The following OTOGL variants were observed in gnomAD, a reference collection of about 807,000 sequenced individuals.
The protein encoded by OTOGL is otogelin-like protein.
Under a neutral mutation model 318.5 loss-of-function variants are expected in OTOGL, and 285 were observed. That is an observed-to-expected ratio of 0.89 (90% CI 0.81 to 0.99). The LOEUF is 0.99. OTOGL is among the 50% of genes least tolerant of loss of function. The probability of loss-of-function intolerance (pLI) is 0.00; values close to 1 mark genes in which losing one functional copy is unlikely to be tolerated. For missense variants in OTOGL, 2,899 were observed against 2,845.6 expected (o/e 1.02, Z -0.43); for synonymous variants, 987 against 936.5 (o/e 1.05, Z -0.99).
chr12:80,327,484 A>T (rs1449537668), intron 35 of OTOGL, among the ~76,000 whole-genome samples: 2 of 152,146 alleles, frequency 1.3e-5, no homozygotes, highest in Admixed American at 1.3e-4. Flanking sequence ...CCCTGTTCTC[A>T]AAAGAACTGC....
intron 1 of OTOGL, among the ~76,000 whole-genome samples, chr12:80,203,024 TAA>T (rs1876568034): frequency 6.6e-6 from 1 of 152,212 alleles, no homozygotes; most frequent in Non-Finnish European, 1.5e-5. Flanking sequence ...GAGAATTAGA[TAA>T]GTGTTAGGAC....
chr12:80,357,493 A>G (rs1208928104), intron 49 of OTOGL, among the ~76,000 whole-genome samples: 3 of 152,126 alleles, frequency 2.0e-5, no homozygotes, highest in African/African-American at 4.8e-5. Flanking sequence ...ATTTCTTTGC[A>G]TCAGTTAAGA....
chr12:80,205,463 A>T (rs1157488830), intron 1 of OTOGL, among the ~76,000 whole-genome samples: 1 of 152,236 alleles, frequency 6.6e-6, no homozygotes, highest in Admixed American at 6.5e-5. Context: ...AAATATAATC[A>T]TATCCTTACT....
At chr12:80,351,389 C>T in intron 44 of OTOGL, among the ~76,000 whole-genome samples, 1 of 151,938 alleles carries the variant, frequency 6.6e-6, no homozygotes, top group East Asian at 1.9e-4. Context: ...GATCTCGGCT[C>T]ACTGCAAGCT....
Position 80,305,596 on chromosome 12 carries a change from TG to T in OTOGL, c.3236del (p.Gly1079GlufsTer11). The T allele has an allele frequency of 6.4e-7, 1 of 1,569,320 alleles. No homozygotes were observed. The highest frequency in any genetic ancestry group is 8.6e-7 in the Non-Finnish European group (1 of 1,169,112). On this transcript the variant is annotated frameshift_variant, in exon 29 of 59. Coordinates refer to ENST00000547103, the MANE Select transcript of OTOGL (RefSeq NM_001378609.3). LOFTEE classifies it high-confidence loss of function. ...QWKNKLSGLC[G>X]NFDKCTSNDM... The stretch of plus-strand genomic sequence containing the variant: ...TTTAGAACAAGCTATCAGGATTGTG[TG>T]GAAACTTTGACAAATGCACTTCAAA...
At chr12:80,141,987 G>A (rs1018400548) in intron 1 of OTOGL, among the ~76,000 whole-genome samples, 4 of 152,004 alleles carry the variant, frequency 2.6e-5, no homozygotes, top group African/African-American at 9.7e-5. Context: ...TTCCTTTCTT[G>A]TCCTCCTGGG....
rs373585207 is a variant in OTOGL, at chr12:80,324,885, A to T, written c.4199+1045A>T. On this transcript the variant is annotated intron_variant, in intron 35 of 58. Transcript: ENST00000547103. Reference sequence around the variant, plus strand: ...ATCTAATAGAACTGCATTTAATGAGATAAGGAAGATGTTAGAAGAAACAGT... The same window carrying T: ...ATCTAATAGAACTGCATTTAATGAGTTAAGGAAGATGTTAGAAGAAACAGT... Among the ~76,000 whole-genome samples, 17 of 152,316 alleles carry T rather than the reference A, an allele frequency of 1.1e-4. No individual in the cohort carries two copies. In the East Asian group the frequency reaches 2.3e-3, roughly 21 times the overall value.
Position 80,327,420 on chromosome 12 carries a change from A to T in OTOGL, c.4200-1245A>T, listed in dbSNP as rs1183995456. ...ATGTCCTTCCAGGGCACTGCCCCAG[A>T]TTTGGGCACAGGTCCTAATTTTCTT... On this transcript the variant is annotated intron_variant, in intron 35 of 58. Transcript: ENST00000547103. Among the ~76,000 whole-genome samples, 3 of 152,114 alleles carry T rather than the reference A, an allele frequency of 2.0e-5. No individual in the cohort carries two copies. In the South Asian group the frequency reaches 6.2e-4, roughly 32 times the overall value.
intron 45 of OTOGL, among the ~76,000 whole-genome samples, 167 bp downstream of exon 45, chr12:80,352,603 C>T (rs1163387505): frequency 6.6e-6 from 1 of 152,142 alleles, no homozygotes; most frequent in Non-Finnish European, 1.5e-5. Context: ...AGAAATAAAA[C>T]AGTCACACAT....
intron 1 of OTOGL, among the ~76,000 whole-genome samples, chr12:80,134,150 TTTC>T (rs1314001029): frequency 6.6e-6 from 1 of 152,238 alleles, no homozygotes; most frequent in African/African-American, 2.4e-5. Flanking sequence ...CTGAGAAGTC[TTTC>T]AACCTTTAGA....
At chr12:80,256,523 AC>A in intron 17 of OTOGL, 63 bp downstream of exon 17, 7 of 1,505,120 alleles carry the variant, frequency 4.7e-6, no homozygotes, top group Non-Finnish European at 5.3e-6. Context: ...CAAACAAACA[AC>A]ACACGCAAAC....
rs370211996 is a variant in OTOGL at position 80,329,047 on chromosome 12, G to T, written c.4280-4G>T. The T allele has an allele frequency of 2.5e-6, 4 of 1,587,480 alleles. No individual in the cohort carries two copies. Among genetic ancestry groups the T allele is most frequent in the Non-Finnish European group, 3.4e-6 (4 of 1,170,198 alleles). On this transcript the variant is annotated splice_polypyrimidine_tract_variant and splice_region_variant and intron_variant, in intron 36 of 58. Coordinates refer to ENST00000547103, the MANE Select transcript of OTOGL (RefSeq NM_001378609.3). ...TTATAAAGAGCACCTTTGTTTCTTT[G>T]TAGGTATACCTGTGATTCCCACAGA...
chr12:80,239,002 G>C (rs569003724), intron 10 of OTOGL, 24 bp downstream of exon 10: 10 of 1,587,128 alleles, frequency 6.3e-6, no homozygotes, highest in Non-Finnish European at 8.5e-6. Context: ...GAGAAATGTG[G>C]GCATGTCAGA....
At chr12:80,204,645 A>G (rs938138854) in intron 1 of OTOGL, among the ~76,000 whole-genome samples, 1 of 152,160 alleles carries the variant, frequency 6.6e-6, no homozygotes, top group African/African-American at 2.4e-5. Context: ...AGATTACATG[A>G]TATAAAAATC....
At position 80,217,578 on chromosome 12, in the gene OTOGL, C is replaced by A. The variant is rs1224568316; in HGVS notation, c.169-20C>A. 6 of 1,481,374 alleles carry A rather than the reference C, an allele frequency of 4.1e-6. No homozygotes were observed. The East Asian group carries it at 1.2e-4, about 29-fold the overall frequency. The allele number at this position is 1,481,374 out of a possible 1,614,324, so 91.8% of individuals were successfully genotyped here. A position where few individuals can be genotyped will look rare whatever the true frequency, so the allele number is the denominator to read the frequency against. Reference sequence around the variant, plus strand: ...TTAAATAATTTAACTGTATTGCATTCTCATTTCTTTCTTTCAAAGTTTGAA... The same window carrying A: ...TTAAATAATTTAACTGTATTGCATTATCATTTCTTTCTTTCAAAGTTTGAA... On this transcript the variant is annotated intron_variant, in intron 4 of 58. Transcript: ENST00000547103.
intron 29 of OTOGL, among the ~76,000 whole-genome samples, chr12:80,307,859 G>A (rs1322123321): frequency 7.5e-6 from 1 of 132,826 alleles, no homozygotes. Flanking sequence ...CGGCTGGCCG[G>A]GCGGGGGGCT....
At chr12:80,298,452 A>G (rs1298102469) in intron 27 of OTOGL, among the ~76,000 whole-genome samples, 1 of 152,168 alleles carries the variant, frequency 6.6e-6, no homozygotes, top group Non-Finnish European at 1.5e-5. Flanking sequence ...TTTAGAACCT[A>G]CTTCTTTAGT....
At chr12:80,149,372 C>T (rs6539492) in intron 1 of OTOGL, among the ~76,000 whole-genome samples, 5,129 of 140,914 alleles carry the variant, frequency 0.036, 108 homozygotes, top group South Asian at 0.11. Context: ...GCTCGGGGGT[C>T]GGGGGCCAGG....
At chr12:80,290,812 G>T (rs550628156) in intron 26 of OTOGL, among the ~76,000 whole-genome samples, 19 of 152,224 alleles carry the variant, frequency 1.2e-4, no homozygotes, top group Non-Finnish European at 2.8e-4. Context: ...AATTTTAGGG[G>T]CCTATTAAAT....
Sources: gnomAD v4.1 joint callset for allele counts (sites outside exome capture counted in the v4.1 genomes callset) on GRCh38, gnomAD v4.1.1 for gene constraint, MANE v1.5 for transcripts, NCBI Gene and HGNC (gene_info 2026-07-23, HGNC 2026-07-21) for gene names.